Variants in SAMD5 observed in about 807,000 individuals in gnomAD.
SAMD5 encodes sterile alpha motif domain containing 5, also known as sterile alpha motif domain-containing protein 5.
Under a neutral mutation model 11.3 loss-of-function variants are expected in SAMD5, and 13 were observed. The ratio of observed to expected loss-of-function variants is 1.15; its 90% CI spans 0.75 to 1.83. The LOEUF (loss-of-function observed/expected upper bound fraction) is 1.83. SAMD5 is among the 40% of genes most tolerant of loss of function. The pLI, the probability that SAMD5 is intolerant of heterozygous loss-of-function variation, is 0.00. For synonymous variants in SAMD5, 129 were observed against 111.3 expected, an observed-to-expected ratio of 1.16 and a Z score of -1.00; for missense variants, 255 against 239.1, an observed-to-expected ratio of 1.07 and a Z score of -0.44.
chr6:147,713,558 A>G (rs1791427413), intron 1 of SAMD5, among the ~76,000 whole-genome samples: 1 of 152,196 alleles, frequency 6.6e-6, no homozygotes, highest in Non-Finnish European at 1.5e-5. Context: ...ATGACCCTGT[A>G]TCATGAAATC....
intron 1 of SAMD5, among the ~76,000 whole-genome samples, chr6:147,715,218 G>A (rs1331020752): frequency 1.3e-5 from 2 of 152,146 alleles, no homozygotes; most frequent in Non-Finnish European, 2.9e-5. Flanking sequence ...CTCTCAGCTC[G>A]TGCTATTGGC....
intron 1 of SAMD5, among the ~76,000 whole-genome samples, chr6:147,647,194 A>G (rs1790417885): frequency 6.6e-6 from 1 of 151,998 alleles, no homozygotes; most frequent in Admixed American, 6.6e-5. Flanking sequence ...AAAGAATAGA[A>G]AATACATTTA....
At chr6:147,661,856 C>T (rs185358916) in intron 1 of SAMD5, among the ~76,000 whole-genome samples, 1 of 152,282 alleles carries the variant, frequency 6.6e-6, no homozygotes, top group East Asian at 1.9e-4. Context: ...GTCTCGAACT[C>T]TTGACCTCAT....
At chr6:147,643,377 AAG>A (rs1223773469) in intron 1 of SAMD5, among the ~76,000 whole-genome samples, 2 of 152,190 alleles carry the variant, frequency 1.3e-5, no homozygotes, top group Non-Finnish European at 2.9e-5. Context: ...CTATGTTAAA[AAG>A]GGGAAAAAAA....
At chr6:147,574,599 T>A (rs1198801211), downstream of SAMD5, among the ~76,000 whole-genome samples, 1 of 152,128 alleles carries the variant, frequency 6.6e-6, no homozygotes, top group African/African-American at 2.4e-5. Flanking sequence ...TGAGACTGGG[T>A]AAAGAATAGA....
intron 1 of SAMD5, among the ~76,000 whole-genome samples, chr6:147,618,651 C>T (rs537488867): frequency 9.2e-5 from 14 of 152,296 alleles, no homozygotes; most frequent in Middle Eastern, 6.8e-3. Context: ...CAGTCCTTGG[C>T]GGGAGCCCAT....
the SAMD5 span, among the ~76,000 whole-genome samples, chr6:147,894,003 G>C: frequency 1.3e-5 from 2 of 151,940 alleles, no homozygotes; most frequent in Admixed American, 6.6e-5. Flanking sequence ...CATTTCAAAG[G>C]CTGCATGGTA....
intron 1 of SAMD5, among the ~76,000 whole-genome samples, chr6:147,613,655 A>C (rs1333164759): frequency 6.6e-6 from 1 of 151,986 alleles, no homozygotes; most frequent in Non-Finnish European, 1.5e-5. Flanking sequence ...ATAAATGGAC[A>C]TATAAGGCAG....
intron 1 of SAMD5, among the ~76,000 whole-genome samples, chr6:147,716,382 C>T (rs781586215): frequency 6.6e-6 from 1 of 152,236 alleles, no homozygotes; most frequent in South Asian, 2.1e-4. Context: ...GCAGACACTT[C>T]TGAGCCTGCA....
At chr6:147,681,688 G>A (rs1790942781) in intron 1 of SAMD5, among the ~76,000 whole-genome samples, 1 of 152,096 alleles carries the variant, frequency 6.6e-6, no homozygotes, top group Non-Finnish European at 1.5e-5. Context: ...GTTCTGGCAT[G>A]CAATTAAATT....
the SAMD5 span, among the ~76,000 whole-genome samples, chr6:147,810,417 C>A: frequency 6.6e-6 from 1 of 152,154 alleles, no homozygotes; most frequent in Non-Finnish European, 1.5e-5. Context: ...CCCAGGAGCA[C>A]CTTGCTGTGT....
chr6:147,925,682 CTT>C, the SAMD5 span, among the ~76,000 whole-genome samples: 542 of 115,246 alleles, frequency 4.7e-3, 2 homozygotes, highest in African/African-American at 0.012. Flanking sequence ...ACTGAGAATT[CTT>C]TTTTTTTTTT....
At chr6:147,747,444 A>G in the SAMD5 span, among the ~76,000 whole-genome samples, 1 of 152,320 alleles carries the variant, frequency 6.6e-6, no homozygotes, top group African/African-American at 2.4e-5. Context: ...CACTCAATTG[A>G]ATATGATCTC....
chr6:147,936,071 T>C, the SAMD5 span, among the ~76,000 whole-genome samples: 1 of 152,004 alleles, frequency 6.6e-6, no homozygotes, highest in East Asian at 1.9e-4. Flanking sequence ...GCTGACAGAG[T>C]TCAAGAGAGA....
the SAMD5 span, among the ~76,000 whole-genome samples, chr6:147,877,940 T>TAGAAAGAA: frequency 0.014 from 1,384 of 97,688 alleles, 18 homozygotes; most frequent in Non-Finnish European, 0.022. Flanking sequence ...GATAGATAGA[T>TAGAAAGAA]AGATAGACTC....
chr6:147,789,647 G>A, the SAMD5 span, among the ~76,000 whole-genome samples: 8 of 152,148 alleles, frequency 5.3e-5, no homozygotes, highest in South Asian at 6.2e-4. Context: ...AGTCCATACT[G>A]TATCAGATTT....
intron 1 of SAMD5, among the ~76,000 whole-genome samples, chr6:147,618,718 C>A (rs2128449940): frequency 6.6e-6 from 1 of 152,300 alleles, no homozygotes; most frequent in East Asian, 1.9e-4. Context: ...AAGCTTGCCC[C>A]TTAGGGCACC....
the SAMD5 span, among the ~76,000 whole-genome samples, chr6:147,755,232 T>A: frequency 6.6e-6 from 1 of 152,110 alleles, no homozygotes; most frequent in African/African-American, 2.4e-5. Context: ...CTTCAATTTC[T>A]TTCACCGGTG....
the SAMD5 span, among the ~76,000 whole-genome samples, chr6:147,901,903 T>C: frequency 6.6e-6 from 1 of 152,184 alleles, no homozygotes; most frequent in South Asian, 2.1e-4. Context: ...ACCAGGTAAA[T>C]GAACTTCTGA....
Sources: allele counts gnomAD v4.1 joint callset (sites outside exome capture counted in the v4.1 genomes callset), GRCh38; gene constraint gnomAD v4.1.1; transcripts MANE v1.5; gene names NCBI Gene and HGNC (gene_info 2026-07-23, HGNC 2026-07-21).